CASK: variants seen among roughly 807,000 people sequenced by gnomAD.
CASK encodes calcium/calmodulin dependent serine protein kinase.
In CASK, 4 loss-of-function variants were observed where a neutral mutation model predicts 82.9. The ratio of observed to expected loss-of-function variants is 0.05; its 90% confidence interval spans 0.02 to 0.11. CASK has a LOEUF of 0.11. CASK is among the 10% of genes least tolerant of loss of function. The pLI is 1.00. For synonymous variants in CASK, 259 were observed against 253.5 expected (o/e 1.02, Z -0.20); for missense variants, 358 against 720.9 (o/e 0.50, Z 5.76).
intron 1 of CASK, among the ~76,000 whole-genome samples, chrX:41,882,209 A>G (rs2071965896): frequency 9.0e-6 from 1 of 111,725 alleles, no homozygotes; most frequent in African/African-American, 3.3e-5. Flanking sequence ...GAAAATATTT[A>G]AAACATTATG....
chrX:41,770,314 ATCCATCCATCCATCCATCCATCCAT>A (rs2069215119), intron 3 of CASK, among the ~76,000 whole-genome samples: 1 of 77,053 alleles, frequency 1.3e-5, no homozygotes. Context: ...CTACCTACCT[ATCCATCCATCCATCCATCCATCCAT>A]CCATCCATCC....
At chrX:41,659,916 A>AT (rs1445815023) in intron 8 of CASK, among the ~76,000 whole-genome samples, 1 of 107,788 alleles carries the variant, frequency 9.3e-6, no homozygotes, top group Non-Finnish European at 1.9e-5. Context: ...GGGAGGATCG[A>AT]TTGAGCCCAG....
rs181259350 is a variant in CASK at position 41,634,544 on chromosome X, T to G, written c.915+2034A>C. Among the ~76,000 whole-genome samples, 597 of 112,473 alleles carry G rather than the reference T, an allele frequency of 5.3e-3. 4 individuals carry two copies. The highest frequency in any genetic ancestry group is 0.014 in the Middle Eastern group (3 of 218). On this transcript the variant is annotated intron_variant, in intron 9 of 26. Transcript: ENST00000378163. ...TTGGCTATTTTAGGCCCAAGTCTGATTCTGTGGCCCCGGGAGAAGTACAGC... is the reference window on the plus strand; with the variant it reads ...TTGGCTATTTTAGGCCCAAGTCTGAGTCTGTGGCCCCGGGAGAAGTACAGC...
chrX:41,806,150 A>C (rs2070121200), intron 2 of CASK, among the ~76,000 whole-genome samples: 1 of 111,878 alleles, frequency 8.9e-6, no homozygotes, highest in Non-Finnish European at 1.9e-5. Context: ...AGAGGTGCCA[A>C]GTTTTTAAAA....
rs1379656104 is a variant in CASK at position 41,626,689 on chromosome X, G to A, written c.930C>T (p.Ala310=). 4.3e-6 allele frequency: 5 copies of A among 1,168,171 alleles called. No homozygotes were observed. Among genetic ancestry groups the A allele is most frequent in the Middle Eastern group, 2.3e-4 (1 of 4,268 alleles). ...ARRKLKGAVL[A]AVSSHKFNSF... ...AGTTGAATTTGTGACTTGACACAGCGGCTAGTACTGCACCCTAAAACAAAG... is the reference window on the plus strand; with the variant it reads ...AGTTGAATTTGTGACTTGACACAGCAGCTAGTACTGCACCCTAAAACAAAG... The change falls in exon 10 of 27, where the codon GCC becomes GCT. Residue 310 remains alanine, a synonymous_variant. Coordinates refer to ENST00000378163, the MANE Select transcript of CASK (RefSeq NM_001367721.1).
At chrX:41,708,637 T>C (rs1369024592) in intron 5 of CASK, among the ~76,000 whole-genome samples, 1 of 112,314 alleles carries the variant, frequency 8.9e-6, no homozygotes, top group Non-Finnish European at 1.9e-5. Context: ...CTAAAAGAAA[T>C]TTATTGTTGT....
At chrX:41,736,080 T>C (rs931334422) in intron 5 of CASK, among the ~76,000 whole-genome samples, 1 of 112,140 alleles carries the variant, frequency 8.9e-6, no homozygotes, top group Non-Finnish European at 1.9e-5. Context: ...AGGCACTCAA[T>C]AAATATCTTT....
intron 12 of CASK, among the ~76,000 whole-genome samples, chrX:41,599,413 A>T (rs937311348): frequency 8.9e-6 from 1 of 111,844 alleles, no homozygotes; most frequent in Non-Finnish European, 1.9e-5. Flanking sequence ...AAAAAAGGCA[A>T]TTAAAAAATC....
intron 16 of CASK, among the ~76,000 whole-genome samples, chrX:41,567,984 C>G (rs762456294): frequency 4.7e-4 from 50 of 105,676 alleles, no homozygotes; most frequent in African/African-American, 1.7e-3. Context: ...CAAACTATCA[C>G]AAGGACAGAA....
At chrX:41,865,587 A>G (rs957776241) in intron 1 of CASK, among the ~76,000 whole-genome samples, 1 of 110,948 alleles carries the variant, frequency 9.0e-6, no homozygotes, top group Admixed American at 9.5e-5. Context: ...TGTATCCTAG[A>G]TATTTTGTGG....
intron 5 of CASK, chrX:41,688,992 G>A (rs2067493844): frequency 9.0e-6 from 1 of 110,769 alleles, no homozygotes; most frequent in African/African-American, 3.3e-5. Context: ...CACCACGACC[G>A]GATGGAAGAG....
intron 2 of CASK, among the ~76,000 whole-genome samples, chrX:41,852,892 G>T (rs2071293090): frequency 1.8e-5 from 2 of 110,728 alleles, no homozygotes; most frequent in Admixed American, 9.6e-5. Context: ...TAGGCCCATA[G>T]AAATCCTAGA....
intron 5 of CASK, among the ~76,000 whole-genome samples, chrX:41,688,174 A>G (rs762077318): frequency 1.8e-5 from 2 of 110,815 alleles, no homozygotes; most frequent in Non-Finnish European, 3.8e-5. Context: ...CATATTTATA[A>G]CAAACAAAAA....
At chrX:41,869,838 C>CAAAAAAAAAA (rs2071670954) in intron 1 of CASK, among the ~76,000 whole-genome samples, 1 of 44,171 alleles carries the variant, frequency 2.3e-5, no homozygotes, top group African/African-American at 8.3e-5. Context: ...AAAAAAAAAG[C>CAAAAAAAAAA]CAAAATTTAA....
intron 1 of CASK, among the ~76,000 whole-genome samples, chrX:41,910,623 C>T (rs1362019334): frequency 3.6e-5 from 4 of 111,806 alleles, no homozygotes; most frequent in Non-Finnish European, 7.5e-5. Context: ...GAACTTTAAT[C>T]AGATGGCAGT....
At chrX:41,669,014 C>T (rs1011145892) in intron 6 of CASK, among the ~76,000 whole-genome samples, 8 of 111,654 alleles carry the variant, frequency 7.2e-5, no homozygotes, top group African/African-American at 2.3e-4. Context: ...CATGAGCCAC[C>T]GTGCCCAACC....
chrX:41,901,777 G>A (rs1310378263), intron 1 of CASK, among the ~76,000 whole-genome samples: 2 of 112,036 alleles, frequency 1.8e-5, no homozygotes, highest in East Asian at 2.8e-4. Flanking sequence ...GGCATGCAGG[G>A]CAGGCCTAAA....
chrX:41,910,502 A>G (rs770270857), intron 1 of CASK, among the ~76,000 whole-genome samples: 31 of 111,991 alleles, frequency 2.8e-4, no homozygotes, highest in African/African-American at 9.4e-4. Context: ...GACCATGTTT[A>G]TGGATGTGTC....
intron 3 of CASK, among the ~76,000 whole-genome samples, chrX:41,782,128 A>C (rs1001527685): frequency 8.9e-6 from 1 of 111,787 alleles, no homozygotes; most frequent in African/African-American, 3.2e-5. Context: ...AAACAAGAGT[A>C]TTTATAGGTG....
Sources: gnomAD v4.1 joint callset for allele counts (sites outside exome capture counted in the v4.1 genomes callset) on GRCh38, gnomAD v4.1.1 for gene constraint, MANE v1.5 for transcripts, NCBI Gene and HGNC (gene_info 2026-07-23, HGNC 2026-07-21) for gene names.